ASH1L: variants seen among roughly 807,000 people sequenced by gnomAD.
ASH1L encodes the protein ASH1 like histone lysine methyltransferase, also known as histone-lysine N-methyltransferase ASH1L.
Under a neutral mutation model 269.0 loss-of-function variants are expected in ASH1L, and 23 were observed. That is an observed-to-expected ratio of 0.09 (90% CI 0.06 to 0.12). The LOEUF (loss-of-function observed/expected upper bound fraction) is 0.12, where lower values mean the gene tolerates loss of function less well. Among genes scored for constraint, ASH1L ranks in the 10% least tolerant of loss-of-function variants. The probability of loss-of-function intolerance (pLI) is 1.00; values close to 1 mark genes in which losing one functional copy is unlikely to be tolerated. For missense variants in ASH1L, 2,912 were observed against 3,567.8 expected (o/e 0.82, Z 4.68); for synonymous variants, 1,187 against 1,253.5 (o/e 0.95, Z 1.12).
intron 2 of ASH1L, among the ~76,000 whole-genome samples, chr1:155,518,754 G>A (rs1272213052): frequency 2.0e-5 from 3 of 149,082 alleles, no homozygotes; most frequent in South Asian, 2.2e-4. Context: ...GAAGGGGAGG[G>A]AAGAGAGGGG....
chr1:155,562,768 C>T lies in ASH1L; in HGVS notation c.-715G>A. On this transcript the variant is annotated 5_prime_UTR_variant, in exon 1 of 28. Coordinates refer to ENST00000392403, the MANE Select transcript of ASH1L (RefSeq NM_018489.3). ...TGTCAAGCCGGCGCCGGCGCAGGCC[C>T]TCACGCGTACCTTCAACGGCGCAAG... The T allele has an allele frequency of 1.1e-6, 1 of 914,966 alleles. No homozygotes were observed. The highest frequency in any genetic ancestry group is 1.7e-6 in the Non-Finnish European group (1 of 592,196). 56.7% of individuals were successfully genotyped at this position (914,966 alleles called of 1,614,324 possible). A position where few individuals can be genotyped will look rare whatever the true frequency, so the allele number is the denominator to read the frequency against.
In ASH1L at chr1:155,497,916, A is replaced by AT. The variant is rs960744350; in HGVS notation, c.421-15468dup. 6.7e-5 allele frequency among the ~76,000 whole-genome samples: 10 copies of AT among 150,076 alleles called. No individual in the cohort carries two copies. The East Asian group carries it at 1.2e-3, about 18-fold the overall frequency. The stretch of plus-strand genomic sequence containing the variant: ...AGGCGCCTGCCACCAGGCATGGCTA[A>AT]TTTTTTTTTGTATTTTTAGTAGAGA... On this transcript the variant is annotated intron_variant, in intron 2 of 27. Coordinates refer to ENST00000392403, the MANE Select transcript of ASH1L (RefSeq NM_018489.3).
intron 3 of ASH1L, among the ~76,000 whole-genome samples, chr1:155,472,499 A>G (rs542591699): frequency 2.0e-5 from 3 of 152,244 alleles, no homozygotes; most frequent in East Asian, 1.9e-4. Context: ...CTGTCATCTC[A>G]TATCACCTTC....
chr1:155,543,509 CAAAAAAAAAA>C (rs34813767), intron 1 of ASH1L, among the ~76,000 whole-genome samples: 2 of 57,438 alleles, frequency 3.5e-5, no homozygotes, highest in Non-Finnish European at 6.6e-5. Context: ...GACTCTGTCT[CAAAAAAAAAA>C]AAAAAAAAAA....
intron 2 of ASH1L, among the ~76,000 whole-genome samples, chr1:155,495,350 A>G (rs1363371975): frequency 6.6e-6 from 1 of 152,158 alleles, no homozygotes; most frequent in East Asian, 1.9e-4. Context: ...CCTGCCACAC[A>G]CCTAAGCTGT....
chr1:155,504,679 C>A (rs1220027127), intron 2 of ASH1L, among the ~76,000 whole-genome samples: 1 of 152,010 alleles, frequency 6.6e-6, no homozygotes, highest in Non-Finnish European at 1.5e-5. Flanking sequence ...CATGGTGAAA[C>A]CGCATCTCTA....
At chr1:155,558,851 CTTTTT>C (rs1227615811) in intron 1 of ASH1L, among the ~76,000 whole-genome samples, 1 of 136,146 alleles carries the variant, frequency 7.3e-6, no homozygotes, top group Non-Finnish European at 1.6e-5. Flanking sequence ...TTTTTCTTTT[CTTTTT>C]TTTTTTTTTT....
At chr1:155,403,132 C>T (rs984397157) in intron 6 of ASH1L, among the ~76,000 whole-genome samples, 2 of 151,842 alleles carry the variant, frequency 1.3e-5, no homozygotes, top group South Asian at 4.2e-4. Context: ...TTACAGTGAG[C>T]CAAGATCGTG....
At chr1:155,494,097 G>C (rs1388679292) in intron 2 of ASH1L, among the ~76,000 whole-genome samples, 1 of 152,140 alleles carries the variant, frequency 6.6e-6, no homozygotes, top group South Asian at 2.1e-4. Context: ...GAAAAGGCCA[G>C]GGATGGAAAG....
chr1:155,439,251 T>A (rs1408507960), intron 4 of ASH1L, among the ~76,000 whole-genome samples, 183 bp from the exon 5 acceptor site: 1 of 152,214 alleles, frequency 6.6e-6, no homozygotes, highest in Non-Finnish European at 1.5e-5. Context: ...AAAGTTGGCC[T>A]ATATTTCTCT....
chr1:155,501,059 T>C (rs751317421), intron 2 of ASH1L, among the ~76,000 whole-genome samples: 5 of 152,030 alleles, frequency 3.3e-5, no homozygotes, highest in Admixed American at 6.6e-5. Context: ...CAAAAGGCAA[T>C]TGGAAAAACA....
chr1:155,474,355 C>T (rs967911274), intron 3 of ASH1L, among the ~76,000 whole-genome samples: 4 of 152,226 alleles, frequency 2.6e-5, no homozygotes, highest in East Asian at 1.9e-4. Context: ...AGATACCCAA[C>T]GACCTTCTCA....
chr1:155,446,607 GTTTCT>G (rs1160428553), intron 4 of ASH1L, among the ~76,000 whole-genome samples: 8 of 144,792 alleles, frequency 5.5e-5, no homozygotes, highest in Admixed American at 4.1e-4. Flanking sequence ...CTACATTTCA[GTTTCT>G]TTTTTTTTTT....
chr1:155,433,774 T>G (rs779049344), intron 5 of ASH1L: 2 of 1,605,216 alleles, frequency 1.2e-6, no homozygotes, highest in African/African-American at 2.7e-5. Context: ...AGAACATGTG[T>G]AAGCTGCGGC....
chr1:155,539,726 G>A (rs1336025054), intron 1 of ASH1L, among the ~76,000 whole-genome samples: 1 of 151,942 alleles, frequency 6.6e-6, no homozygotes, highest in Non-Finnish European at 1.5e-5. Flanking sequence ...GGGAATGCAG[G>A]CGTGAGCCAC....
At chr1:155,393,835 A>G (rs1168166851) in intron 7 of ASH1L, among the ~76,000 whole-genome samples, 1 of 152,084 alleles carries the variant, frequency 6.6e-6, no homozygotes, top group Non-Finnish European at 1.5e-5. Flanking sequence ...TACAGGTGTG[A>G]GCCACCGCAC....
intron 20 of ASH1L, among the ~76,000 whole-genome samples, chr1:155,347,256 C>T (rs747462698): frequency 2.6e-5 from 4 of 151,980 alleles, no homozygotes; most frequent in Non-Finnish European, 4.4e-5. Context: ...AAAAATTAGC[C>T]GGGCATGGTG....
chr1:155,365,630 T>C (rs554533384), intron 12 of ASH1L, among the ~76,000 whole-genome samples: 2 of 152,266 alleles, frequency 1.3e-5, no homozygotes, highest in East Asian at 3.9e-4. Context: ...ATGATACAAT[T>C]GGAGAAACTG....
chr1:155,341,789 T>C, intron 25 of ASH1L, 147 bp downstream of exon 25: 1 of 801,748 alleles, frequency 1.2e-6, no homozygotes, highest in Admixed American at 2.4e-5. Context: ...GCTGTTCAAA[T>C]GTCCCAAATA....
Sources: gnomAD v4.1 joint callset for allele counts (sites outside exome capture counted in the v4.1 genomes callset) on GRCh38, gnomAD v4.1.1 for gene constraint, MANE v1.5 for transcripts, NCBI Gene and HGNC (gene_info 2026-07-23, HGNC 2026-07-21) for gene names.